The following GPHN variants were observed in gnomAD, a reference collection of about 807,000 sequenced individuals.
GPHN encodes the protein gephyrin.
In GPHN, 17 loss-of-function variants were observed where a neutral mutation model predicts 95.5. The ratio of observed to expected loss-of-function variants is 0.18; its 90% CI spans 0.12 to 0.27. GPHN has a LOEUF of 0.27. Among genes scored for constraint, GPHN ranks in the 10% least tolerant of loss-of-function variants. The pLI is 1.00. For missense variants in GPHN, 660 were observed against 978.1 expected (o/e 0.67, Z 4.34); for synonymous variants, 320 against 322.5 (o/e 0.99, Z 0.08).
At chr14:66,556,401 C>T (rs2060009315) in intron 1 of GPHN, among the ~76,000 whole-genome samples, 1 of 152,162 alleles carries the variant, frequency 6.6e-6, no homozygotes, top group South Asian at 2.1e-4. Flanking sequence ...AGCTTTGACT[C>T]TAAAGAGATG....
At chr14:67,580,196 G>A in the GPHN span, 14,846 of 248,682 alleles carry the variant, frequency 0.06, 667 homozygotes, top group Non-Finnish European at 0.09. Flanking sequence ...GCCTACACGT[G>A]CCCACTCAGA....
the GPHN span, among the ~76,000 whole-genome samples, chr14:67,448,274 G>A: frequency 2.6e-5 from 4 of 151,440 alleles, no homozygotes; most frequent in East Asian, 7.8e-4. Context: ...GAGTAGCTGG[G>A]ATTACAGGTG....
At chr14:67,198,135 GT>G in the GPHN span, 1 of 1,595,360 alleles carries the variant, frequency 6.3e-7, no homozygotes. Flanking sequence ...CATTCCCTCA[GT>G]TTTTTTATGT....
At chr14:67,382,361 C>G in the GPHN span, 1 of 1,257,384 alleles carries the variant, frequency 8.0e-7, no homozygotes, top group Non-Finnish European at 1.1e-6. Context: ...TTTGTTAATA[C>G]AGCAGATTAA....
At chr14:67,315,384 C>T in the GPHN span, among the ~76,000 whole-genome samples, 2 of 144,546 alleles carry the variant, frequency 1.4e-5, no homozygotes, top group Non-Finnish European at 3.0e-5. Flanking sequence ...TCATGCCCTT[C>T]TTCTCTCTCA....
At chr14:67,033,588 A>G (rs2074289344) in intron 10 of GPHN, among the ~76,000 whole-genome samples, 1 of 147,948 alleles carries the variant, frequency 6.8e-6, no homozygotes, top group African/African-American at 2.5e-5. Context: ...TGCCAAAAAG[A>G]TTTATAAAAT....
At chr14:66,661,505 C>T (rs2065645969) in intron 1 of GPHN, among the ~76,000 whole-genome samples, 1 of 152,134 alleles carries the variant, frequency 6.6e-6, no homozygotes, top group East Asian at 1.9e-4. Flanking sequence ...GACTGAGTGC[C>T]TGCGGGGAGG....
At chr14:66,976,697 G>A (rs954697834) in intron 9 of GPHN, among the ~76,000 whole-genome samples, 15 of 152,006 alleles carry the variant, frequency 9.9e-5, no homozygotes, top group African/African-American at 3.4e-4. Flanking sequence ...TACTGTATTA[G>A]CTATTGGGGA....
At chr14:66,832,817 G>T in intron 4 of GPHN, among the ~76,000 whole-genome samples, 1 of 152,066 alleles carries the variant, frequency 6.6e-6, no homozygotes, top group Admixed American at 6.6e-5. Context: ...CAAAGAGAAA[G>T]ATTAAAAGAG....
the GPHN span, chr14:67,589,829 C>T: frequency 8.5e-7 from 1 of 1,182,110 alleles, no homozygotes; most frequent in Non-Finnish European, 1.0e-6. Context: ...TTTTGACATA[C>T]TGTGTCAAAA....
At chr14:66,687,566 G>A (rs570420201) in intron 2 of GPHN, among the ~76,000 whole-genome samples, 7 of 136,828 alleles carry the variant, frequency 5.1e-5, no homozygotes, top group African/African-American at 1.6e-4. Flanking sequence ...TCGGCTCACC[G>A]CAACCTCTCG....
At chr14:66,711,882 C>T (rs1200407306) in intron 2 of GPHN, among the ~76,000 whole-genome samples, 2 of 151,996 alleles carry the variant, frequency 1.3e-5, no homozygotes, top group African/African-American at 2.4e-5. Context: ...AGAATGATGG[C>T]TTCCAGCTTC....
intron 2 of GPHN, among the ~76,000 whole-genome samples, chr14:66,705,388 C>G (rs2068980917): frequency 6.6e-6 from 1 of 152,188 alleles, no homozygotes; most frequent in Non-Finnish European, 1.5e-5. Context: ...GCCAATATCC[C>G]TGTTGAACAT....
the GPHN span, among the ~76,000 whole-genome samples, chr14:67,363,838 G>A: frequency 3.9e-5 from 6 of 152,276 alleles, no homozygotes; most frequent in Middle Eastern, 3.4e-3. Flanking sequence ...TACTACCTAC[G>A]TTTTGAGCAG....
chr14:66,819,271 G>T (rs913131687), intron 3 of GPHN, among the ~76,000 whole-genome samples: 2 of 152,154 alleles, frequency 1.3e-5, no homozygotes, highest in Non-Finnish European at 2.9e-5. Context: ...TGTATATGGT[G>T]TAAGGAAGGG....
the GPHN span, chr14:67,336,475 A>G: frequency 3.7e-6 from 1 of 269,926 alleles, no homozygotes; most frequent in South Asian, 3.8e-5. Flanking sequence ...CATTCCAGGT[A>G]TTTAAGAAGC....
intron 4 of GPHN, among the ~76,000 whole-genome samples, chr14:66,844,408 G>A (rs1293171209): frequency 6.6e-6 from 1 of 152,094 alleles, no homozygotes; most frequent in Admixed American, 6.6e-5. Context: ...AAGAATTTTG[G>A]TGAAATTTGC....
chr14:67,553,662 C>T, the GPHN span, among the ~76,000 whole-genome samples: 123 of 152,332 alleles, frequency 8.1e-4, 2 homozygotes, highest in African/African-American at 2.8e-3. Flanking sequence ...CAACCCCCCA[C>T]CACCAAGGAG....
At chr14:67,100,049 T>C (rs959404023) in intron 12 of GPHN, among the ~76,000 whole-genome samples, 2 of 152,134 alleles carry the variant, frequency 1.3e-5, no homozygotes, top group African/African-American at 4.8e-5. Flanking sequence ...CTGTACATAT[T>C]TTTTAATAAA....
Sources: allele counts gnomAD v4.1 joint callset (sites outside exome capture counted in the v4.1 genomes callset), GRCh38; gene constraint gnomAD v4.1.1; transcripts MANE v1.5; gene names NCBI Gene and HGNC (gene_info 2026-07-23, HGNC 2026-07-21).